PRDM16: variants seen among roughly 807,000 people sequenced by gnomAD.
PRDM16 encodes histone-lysine N-methyltransferase PRDM16.
PRDM16 carries 23 observed loss-of-function variants against 110.6 expected under a neutral mutation model. That is an observed-to-expected ratio of 0.21 (90% CI 0.15 to 0.29). PRDM16 has a LOEUF of 0.29. Ranked by LOEUF, PRDM16 falls within the 10% of genes least tolerant of loss-of-function variation. The probability of loss-of-function intolerance (pLI) is 1.00; values close to 1 mark genes in which losing one functional copy is unlikely to be tolerated. For synonymous variants in PRDM16, 799 were observed against 781.8 expected (o/e 1.02, Z -0.37); for missense variants, 1,615 against 1,794.3 (o/e 0.90, Z 1.81).
chr1:3,319,050 T>C (rs999647301), intron 3 of PRDM16, among the ~76,000 whole-genome samples: 1 of 152,222 alleles, frequency 6.6e-6, no homozygotes, highest in Non-Finnish European at 1.5e-5. Context: ...TCAGACTGTC[T>C]GTGCAGGGGT....
intron 3 of PRDM16, among the ~76,000 whole-genome samples, chr1:3,271,599 A>T (rs1640456925): frequency 1.3e-5 from 2 of 152,198 alleles, no homozygotes; most frequent in African/African-American, 4.8e-5. Flanking sequence ...GAGGCCAGGC[A>T]GGGGGACTGT....
At chr1:3,181,150 G>C (rs1256601405) in intron 1 of PRDM16, among the ~76,000 whole-genome samples, 3 of 72,006 alleles carry the variant, frequency 4.2e-5, no homozygotes, top group East Asian at 5.7e-4. Context: ...TCTTACACAC[G>C]CAGTCTTACA....
intron 3 of PRDM16, among the ~76,000 whole-genome samples, chr1:3,294,920 C>A (rs1000013132): frequency 1.4e-4 from 22 of 152,228 alleles, no homozygotes; most frequent in Non-Finnish European, 2.8e-4. Context: ...GAGGGGTAGA[C>A]CCCACGGAAG....
chr1:3,144,957 C>T (rs542692325), intron 1 of PRDM16, among the ~76,000 whole-genome samples: 148 of 152,314 alleles, frequency 9.7e-4, no homozygotes, highest in African/African-American at 3.4e-3. Context: ...GCCTCAGGAA[C>T]CCCTGTGCGG....
intron 3 of PRDM16, among the ~76,000 whole-genome samples, chr1:3,374,590 G>A (rs904169199): frequency 1.3e-5 from 2 of 152,160 alleles, no homozygotes; most frequent in East Asian, 1.9e-4. Context: ...CCCTCTGTGC[G>A]ACTGTGGCCT....
At chr1:3,095,094 C>T (rs1359199388) in intron 1 of PRDM16, among the ~76,000 whole-genome samples, 2 of 152,200 alleles carry the variant, frequency 1.3e-5, no homozygotes, top group East Asian at 1.9e-4. Flanking sequence ...CTGGCCCAGG[C>T]GAGCAGCCAG....
intron 2 of PRDM16, among the ~76,000 whole-genome samples, chr1:3,211,157 T>C (rs1440827017): frequency 2.6e-5 from 4 of 152,222 alleles, no homozygotes; most frequent in African/African-American, 9.6e-5. Context: ...TCATTAGACA[T>C]CTGCTTGTCT....
At chr1:3,074,278 A>T (rs1466884352) in intron 1 of PRDM16, among the ~76,000 whole-genome samples, 1 of 151,994 alleles carries the variant, frequency 6.6e-6, no homozygotes, top group East Asian at 1.9e-4. Flanking sequence ...AGGTGGAGGA[A>T]CTCTTGGGAG....
At chr1:3,301,712 TACTA>T (rs1641212469) in intron 3 of PRDM16, among the ~76,000 whole-genome samples, 1 of 152,204 alleles carries the variant, frequency 6.6e-6, no homozygotes, top group African/African-American at 2.4e-5. Flanking sequence ...GTTGGCTTGT[TACTA>T]ACCCCAAGCA....
At chr1:3,238,362 T>G (rs1639585556) in intron 2 of PRDM16, among the ~76,000 whole-genome samples, 1 of 152,114 alleles carries the variant, frequency 6.6e-6, no homozygotes, top group Non-Finnish European at 1.5e-5. Context: ...AATATTTTTC[T>G]TAGGAGTAAA....
chr1:3,330,857 C>T (rs1369647602), intron 3 of PRDM16, among the ~76,000 whole-genome samples: 1 of 152,260 alleles, frequency 6.6e-6, no homozygotes, highest in African/African-American at 2.4e-5. Context: ...TCAGGGCCCT[C>T]CTCCCTCTGC....
In PRDM16 at chr1:3,358,831, C is replaced by T. The variant is rs562558805; in HGVS notation, c.439-26321C>T. The stretch of plus-strand genomic sequence containing the variant: ...ATGATTCCTGCCGGGGAGGAGGGAG[C>T]TCATTCCAAACTCAAGCCATTTTGA... On this transcript the variant is annotated intron_variant, in intron 3 of 16. Transcript: ENST00000270722. The surrounding 1 kb of genome is among the most constrained non-coding windows in gnomAD (Gnocchi z 4.0). Among the ~76,000 whole-genome samples, 33 of 152,280 alleles carry T rather than the reference C, an allele frequency of 2.2e-4. No individual in the cohort carries two copies. Among genetic ancestry groups the T allele is most frequent in the Admixed American group, 3.9e-4 (6 of 15,290 alleles).
intron 1 of PRDM16, among the ~76,000 whole-genome samples, chr1:3,136,970 T>C (rs964484215): frequency 6.6e-6 from 1 of 152,284 alleles, no homozygotes; most frequent in Non-Finnish European, 1.5e-5. Context: ...GAGAGGCTGG[T>C]GCAGGGAGAG....
intron 3 of PRDM16, among the ~76,000 whole-genome samples, chr1:3,287,267 G>C (rs12024838): frequency 0.16 from 14,624 of 89,802 alleles, 1,002 homozygotes; most frequent in African/African-American, 0.4. Flanking sequence ...GGGGCTGGAG[G>C]CGCCCCGCCA....
chr1:3,306,716 C>T (rs4233025), intron 3 of PRDM16: 105,292 of 152,180 alleles, frequency 0.69, 37,531 homozygotes, highest in East Asian at 0.99. Context: ...CCCATTAAAA[C>T]GTACAATTCA....
chr1:3,392,956 G>T (rs918324377), intron 4 of PRDM16, among the ~76,000 whole-genome samples: 1 of 152,244 alleles, frequency 6.6e-6, no homozygotes, highest in Admixed American at 6.5e-5. Flanking sequence ...GAGGACCTGT[G>T]TTTCGTGTTG....
Position 3,143,210 on chromosome 1 carries a change from C to G in PRDM16, c.38-42915C>G, listed in dbSNP as rs947433757. Among the ~76,000 whole-genome samples, 1 of 152,100 alleles carries G rather than the reference C, an allele frequency of 6.6e-6. No individual in the cohort carries two copies. Among genetic ancestry groups the G allele is most frequent in the Non-Finnish European group, 1.5e-5 (1 of 68,026 alleles). ...GCAGCCCCTCGGGGGCCGAGTGTTC[C>G]GGGCTCTGATTTTTGCTGGCTGAGA... On this transcript the variant is annotated intron_variant, in intron 1 of 16. Coordinates refer to ENST00000270722, the MANE Select transcript of PRDM16 (RefSeq NM_022114.4). This position sits in a 1 kb window ranked among gnomAD's most constrained non-coding sequence, Gnocchi z 4.5.
At chr1:3,216,300 A>G (rs981577596) in intron 2 of PRDM16, among the ~76,000 whole-genome samples, 1 of 152,122 alleles carries the variant, frequency 6.6e-6, no homozygotes, top group Non-Finnish European at 1.5e-5. Context: ...CGCAGAAAGT[A>G]CAGTGGGTTG....
rs553828574 is a variant in PRDM16, at chr1:3,418,755, C to T, written c.2939+11C>T. On this transcript the variant is annotated intron_variant, in intron 12 of 16. Transcript: ENST00000270722. ...GGAGCAGCCGTACAGGTAGGTGCTG[C>T]GTGGGCTGGGTGTGGGGGCGGGGCC... 58 of 1,610,162 alleles carry T rather than the reference C, an allele frequency of 3.6e-5. 1 individual carries two copies. The South Asian group carries it at 3.6e-4, about 10-fold the overall frequency.
Sources: gnomAD v4.1 joint callset for allele counts (sites outside exome capture counted in the v4.1 genomes callset) on GRCh38, gnomAD v4.1.1 for gene constraint, Gnocchi (gnomAD v3.1) non-coding constraint, MANE v1.5 for transcripts, NCBI Gene and HGNC (gene_info 2026-07-23, HGNC 2026-07-21) for gene names.